The following RAB10 variants were observed in gnomAD, a reference collection of about 807,000 sequenced individuals.
The protein encoded by RAB10 is ras-related protein Rab-10.
A neutral mutation model predicts 25.7 loss-of-function variants in RAB10; 5 were observed. The observed-to-expected ratio is 0.19, with a 90% CI of 0.10 to 0.41. The LOEUF is 0.41. Among genes scored for constraint, RAB10 ranks in the 10% least tolerant of loss-of-function variants. The pLI, the probability that RAB10 is intolerant of heterozygous loss-of-function variation, is 1.00. For missense variants in RAB10, 103 were observed against 245.8 expected, an observed-to-expected ratio of 0.42 and a Z score of 3.89; for synonymous variants, 89 against 86.4, an observed-to-expected ratio of 1.03 and a Z score of -0.16.
chr2:26,082,718 A>G (rs1218882613), intron 1 of RAB10, among the ~76,000 whole-genome samples: 1 of 152,182 alleles, frequency 6.6e-6, no homozygotes, highest in Non-Finnish European at 1.5e-5. Context: ...AACTCTTCCA[A>G]TAAATGCAAG....
At chr2:26,092,178 A>G (rs555151610) in intron 1 of RAB10, among the ~76,000 whole-genome samples, 2 of 151,636 alleles carry the variant, frequency 1.3e-5, no homozygotes, top group Non-Finnish European at 2.9e-5. Context: ...TCTCAGAAAA[A>G]AAAAAAAAGA....
chr2:26,041,321 A>G (rs1665879171), intron 1 of RAB10, among the ~76,000 whole-genome samples: 1 of 151,970 alleles, frequency 6.6e-6, no homozygotes, highest in Non-Finnish European at 1.5e-5. Context: ...CAGGTGGATC[A>G]CCAGAGGTCA....
upstream of RAB10, among the ~76,000 whole-genome samples, chr2:26,033,804 AG>A (rs572277931): frequency 6.3e-5 from 7 of 111,378 alleles, no homozygotes; most frequent in African/African-American, 1.9e-4. Flanking sequence ...CGGGGGTCGG[AG>A]GGGGGGCGCT....
At chr2:26,068,011 G>C (rs1046635644) in intron 1 of RAB10, among the ~76,000 whole-genome samples, 2 of 152,152 alleles carry the variant, frequency 1.3e-5, no homozygotes, top group African/African-American at 4.8e-5. Context: ...TAGTTCTCTA[G>C]TTAGTAAAAT....
At chr2:26,103,051 C>A (rs1002555211) in intron 2 of RAB10, among the ~76,000 whole-genome samples, 5 of 152,108 alleles carry the variant, frequency 3.3e-5, no homozygotes, top group African/African-American at 1.2e-4. Context: ...TGTTCATTAT[C>A]CCTCCTTATT....
chr2:26,095,564 G>A (rs1225787550), intron 1 of RAB10, among the ~76,000 whole-genome samples: 5 of 151,340 alleles, frequency 3.3e-5, no homozygotes, highest in South Asian at 4.2e-4. Flanking sequence ...CTGAGATAGC[G>A]CAATTGCACT....
chr2:26,087,274 A>G (rs1667007229), intron 1 of RAB10, among the ~76,000 whole-genome samples: 1 of 152,148 alleles, frequency 6.6e-6, no homozygotes, highest in South Asian at 2.1e-4. Flanking sequence ...TGTTTTATAA[A>G]ATAGGCATAT....
intron 1 of RAB10, among the ~76,000 whole-genome samples, chr2:26,092,720 C>T (rs761422729): frequency 6.6e-6 from 1 of 152,016 alleles, no homozygotes; most frequent in Non-Finnish European, 1.5e-5. Flanking sequence ...AGGCAAGTTT[C>T]CTGAAATAGT....
At chr2:26,097,807 G>C (rs1337510864) in intron 1 of RAB10, among the ~76,000 whole-genome samples, 1 of 152,148 alleles carries the variant, frequency 6.6e-6, no homozygotes, top group African/African-American at 2.4e-5. Flanking sequence ...AAAGGATGTT[G>C]AAGTCTCCAA....
At chr2:26,060,511 A>T (rs1268615910) in intron 1 of RAB10, among the ~76,000 whole-genome samples, 2 of 152,012 alleles carry the variant, frequency 1.3e-5, no homozygotes, top group African/African-American at 4.8e-5. Flanking sequence ...CCAGGTCTCG[A>T]TCTCCTGACC....
chr2:26,080,176 A>G (rs188622525), intron 1 of RAB10, among the ~76,000 whole-genome samples: 95 of 152,342 alleles, frequency 6.2e-4, no homozygotes, highest in African/African-American at 2.2e-3. Context: ...GTAGTATTGA[A>G]TTAAAACCAA....
intron 1 of RAB10, among the ~76,000 whole-genome samples, chr2:26,036,107 G>T (rs2149259455): frequency 6.6e-6 from 1 of 152,298 alleles, no homozygotes; most frequent in Middle Eastern, 3.4e-3. Flanking sequence ...AGCACTGTTT[G>T]CTTTTAACAC....
intron 5 of RAB10, among the ~76,000 whole-genome samples, chr2:26,134,036 TAAATC>T (rs1274362473): frequency 2.6e-5 from 4 of 152,238 alleles, no homozygotes; most frequent in Non-Finnish European, 5.9e-5. Context: ...AGAATAAAAT[TAAATC>T]AACCATAATT....
rs138257660 is a variant in RAB10, at chr2:26,096,409, G to T, written c.128-2253G>T. On this transcript the variant is annotated intron_variant, in intron 1 of 5. Coordinates refer to ENST00000264710, the MANE Select transcript of RAB10 (RefSeq NM_016131.5). ...TAGTGGGTGGGTGGGCGGATGGATG[G>T]CTGGATGGATGGCTGGCTGGCTGGA... Among the ~76,000 whole-genome samples the T allele has an allele frequency of 4.1e-3, 522 of 127,544 alleles. 4 individuals carry two copies. Among genetic ancestry groups the T allele is most frequent in the African/African-American group, 0.011 (361 of 33,534 alleles). The allele number at this position is 127,544 out of a possible 152,430, so 83.7% of individuals were successfully genotyped here. A position where few individuals can be genotyped will look rare whatever the true frequency, so the allele number is the denominator to read the frequency against.
intron 1 of RAB10, among the ~76,000 whole-genome samples, chr2:26,094,727 T>A (rs1667175971): frequency 6.6e-6 from 1 of 151,970 alleles, no homozygotes; most frequent in Admixed American, 6.6e-5. Flanking sequence ...CCTGGCTAAT[T>A]TTTGTATTTT....
chr2:26,113,239 C>T (rs184313230), intron 3 of RAB10, among the ~76,000 whole-genome samples: 6 of 152,174 alleles, frequency 3.9e-5, no homozygotes, highest in Admixed American at 1.3e-4. Context: ...TCTCAGTTCA[C>T]ACAGAAAAAA....
At chr2:26,099,685 T>C (rs1039002298) in intron 2 of RAB10, among the ~76,000 whole-genome samples, 1 of 151,672 alleles carries the variant, frequency 6.6e-6, no homozygotes, top group Non-Finnish European at 1.5e-5. Context: ...GGACTATAGG[T>C]GCCCGCCACC....
chr2:26,033,584 G>A (rs889888422), upstream of RAB10, among the ~76,000 whole-genome samples: 2 of 152,362 alleles, frequency 1.3e-5, no homozygotes, highest in Admixed American at 1.3e-4. Flanking sequence ...ATGACCCAGG[G>A]CGCGGCTTTT....
chr2:26,131,810 C>T (rs1242999920), intron 5 of RAB10, among the ~76,000 whole-genome samples: 2 of 152,100 alleles, frequency 1.3e-5, no homozygotes, highest in African/African-American at 2.4e-5. Flanking sequence ...TGTCACTTTG[C>T]TTATTTCACT....
Sources: allele counts gnomAD v4.1 joint callset (sites outside exome capture counted in the v4.1 genomes callset), GRCh38; gene constraint gnomAD v4.1.1; transcripts MANE v1.5; gene names NCBI Gene and HGNC (gene_info 2026-07-23, HGNC 2026-07-21).